FRMPD1: variants seen among roughly 807,000 people sequenced by gnomAD.
FRMPD1 encodes FERM and PDZ domain containing 1.
In FRMPD1, 76 loss-of-function variants were observed where a neutral mutation model predicts 117.8. The observed-to-expected ratio is 0.65, with a 90% CI of 0.54 to 0.78. The LOEUF is 0.78. Ranked by LOEUF, FRMPD1 falls within the 30% of genes least tolerant of loss-of-function variation. The pLI, the probability that FRMPD1 is intolerant of heterozygous loss-of-function variation, is 0.00. For synonymous variants in FRMPD1, 783 were observed against 770.4 expected, an observed-to-expected ratio of 1.02 and a Z score of -0.27; for missense variants, 1,786 against 1,964.5, an observed-to-expected ratio of 0.91 and a Z score of 1.72.
In FRMPD1 at chr9:37,731,029, G is replaced by A. The variant is rs748926607; in HGVS notation, c.784G>A (p.Val262Ile). Residue 262 changes from valine (V) to isoleucine (I), a missense_variant, in exon 9 of 16, where the codon GTC (valine) becomes ATC (isoleucine). Coordinates refer to ENST00000377765, the MANE Select transcript of FRMPD1 (RefSeq NM_014907.3). ...ACATGACTACCGCTGCCTCTTCAGG[G>A]TCTGTTTTGTTCCCAAGGACCCCCT... Reference protein sequence around the residue: ...ESHDYRCLFRVCFVPKDPLDL... With the variant: ...ESHDYRCLFRICFVPKDPLDL... 5.6e-6 allele frequency: 9 copies of A among 1,613,858 alleles called. No homozygotes were observed. Among genetic ancestry groups the A allele is most frequent in the Middle Eastern group, 1.7e-4 (1 of 6,044 alleles).
intron 2 of FRMPD1, among the ~76,000 whole-genome samples, chr9:37,706,890 G>A (rs1412896458): frequency 6.6e-6 from 1 of 152,172 alleles, no homozygotes; most frequent in Non-Finnish European, 1.5e-5. Context: ...GACTCCAGCA[G>A]TATGTCCTGC....
At chr9:37,623,541 T>G in the FRMPD1 span, among the ~76,000 whole-genome samples, 1 of 152,134 alleles carries the variant, frequency 6.6e-6, no homozygotes, top group Non-Finnish European at 1.5e-5. Flanking sequence ...AGATTATACA[T>G]TTTGGCAAGG....
intron 12 of FRMPD1, 40 bp from the exon 13 acceptor site, chr9:37,735,512 G>C: frequency 6.9e-7 from 1 of 1,455,778 alleles, no homozygotes. Context: ...ATTTTCACTC[G>C]CTTGCGAATG....
At chr9:37,654,075 A>C (rs1430003246) in intron 1 of FRMPD1, among the ~76,000 whole-genome samples, 1 of 152,252 alleles carries the variant, frequency 6.6e-6, no homozygotes, top group African/African-American at 2.4e-5. Flanking sequence ...GGTTGTTCAT[A>C]GAACACCTGC....
the FRMPD1 span, among the ~76,000 whole-genome samples, chr9:37,634,105 CA>C: frequency 6.6e-6 from 1 of 152,264 alleles, no homozygotes; most frequent in East Asian, 1.9e-4. Flanking sequence ...ATTAATTTAT[CA>C]ATTTTAAACA....
chr9:37,744,957 T>A lies in FRMPD1; in HGVS notation c.2925T>A (p.Gly975=). 6.2e-7 allele frequency: 1 copy of A among 1,614,200 alleles called. No individual in the cohort carries two copies. The highest frequency in any genetic ancestry group is 1.1e-5 in the South Asian group (1 of 91,074). ...GCACTCCTCACTGTTCTAACCCAGGTTCATCTGGCCCAGATACTGCTCAGG... is the reference window on the plus strand; with the variant it reads ...GCACTCCTCACTGTTCTAACCCAGGATCATCTGGCCCAGATACTGCTCAGG... ...SASTPHCSNP[G]SSGPDTAQAR... is the part of the protein sequence containing the mutation. The change falls in exon 16 of 16, where the codon GGT becomes GGA. Residue 975 remains glycine, a synonymous_variant. Coordinates refer to ENST00000377765, the MANE Select transcript of FRMPD1 (RefSeq NM_014907.3).
the FRMPD1 span, among the ~76,000 whole-genome samples, chr9:37,644,267 C>T: frequency 6.8e-6 from 1 of 147,748 alleles, no homozygotes; most frequent in South Asian, 2.2e-4. Flanking sequence ...AGAGGTCCTG[C>T]TTAGTTGGGG....
At chr9:37,715,780 G>T (rs1346949121) in intron 5 of FRMPD1, 2 of 444,400 alleles carry the variant, frequency 4.5e-6, no homozygotes, top group Non-Finnish European at 4.5e-6. Flanking sequence ...AGTGGGGCCT[G>T]TGTGTTGGGC....
At chr9:37,657,718 T>C (rs1820882605) in intron 1 of FRMPD1, among the ~76,000 whole-genome samples, 1 of 152,184 alleles carries the variant, frequency 6.6e-6, no homozygotes, top group African/African-American at 2.4e-5. Flanking sequence ...TTAGTGAGAG[T>C]GTGCCTTGTT....
intron 6 of FRMPD1, among the ~76,000 whole-genome samples, chr9:37,722,727 CT>C (rs1823450925): frequency 6.6e-6 from 1 of 152,022 alleles, no homozygotes; most frequent in Admixed American, 6.6e-5. Context: ...CCCACGGGCC[CT>C]TTGTATTTGC....
chr9:37,738,575 A>G (rs943274795), intron 14 of FRMPD1, among the ~76,000 whole-genome samples: 5 of 152,056 alleles, frequency 3.3e-5, no homozygotes, highest in Non-Finnish European at 7.4e-5. Flanking sequence ...CTGACCTCAA[A>G]TGATCTGCCC....
chr9:37,656,694 C>CT (rs11313113), intron 1 of FRMPD1, among the ~76,000 whole-genome samples: 11 of 148,894 alleles, frequency 7.4e-5, no homozygotes, highest in Non-Finnish European at 6.0e-5. Context: ...AAATCTGAGA[C>CT]TTTTTTTTTT....
At chr9:37,706,384 G>C (rs957008685) in intron 2 of FRMPD1, among the ~76,000 whole-genome samples, 1 of 152,178 alleles carries the variant, frequency 6.6e-6, no homozygotes, top group Non-Finnish European at 1.5e-5. Flanking sequence ...CATTAGGCAG[G>C]GTTCCTGAAA....
chr9:37,697,785 A>G (rs2118074200), intron 2 of FRMPD1, among the ~76,000 whole-genome samples: 1 of 152,296 alleles, frequency 6.6e-6, no homozygotes, highest in East Asian at 1.9e-4. Flanking sequence ...TGATAAAATG[A>G]CAAAGATTTG....
At chr9:37,669,517 A>T (rs1821277003) in intron 1 of FRMPD1, among the ~76,000 whole-genome samples, 1 of 152,124 alleles carries the variant, frequency 6.6e-6, no homozygotes, top group Non-Finnish European at 1.5e-5. Context: ...CATGTGTTTG[A>T]CACCCAGGGC....
intron 2 of FRMPD1, among the ~76,000 whole-genome samples, chr9:37,706,978 T>TCCATCCATC (rs757540237): frequency 7.5e-6 from 1 of 134,164 alleles, no homozygotes; most frequent in African/African-American, 2.8e-5. Context: ...ATCCATCCAT[T>TCCATCCATC]CATTCATTGA....
chr9:37,728,823 C>T (rs1247119708), intron 7 of FRMPD1, among the ~76,000 whole-genome samples: 3 of 151,970 alleles, frequency 2.0e-5, no homozygotes, highest in Admixed American at 6.6e-5. Flanking sequence ...ATTAGCTGGG[C>T]GTGGTGGCGC....
chr9:37,669,799 G>A (rs1400916748), intron 1 of FRMPD1: 1 of 152,068 alleles, frequency 6.6e-6, no homozygotes, highest in African/African-American at 2.4e-5. Flanking sequence ...TTGGAGACCA[G>A]CCTGACCAAC....
chr9:37,604,479 A>G, the FRMPD1 span, among the ~76,000 whole-genome samples: 1 of 152,214 alleles, frequency 6.6e-6, no homozygotes, highest in Non-Finnish European at 1.5e-5. Context: ...TTTGTCCCTG[A>G]AAGAACTGGA....
Sources: gnomAD v4.1 joint callset for allele counts (sites outside exome capture counted in the v4.1 genomes callset) on GRCh38, gnomAD v4.1.1 for gene constraint, MANE v1.5 for transcripts, NCBI Gene and HGNC (gene_info 2026-07-23, HGNC 2026-07-21) for gene names.